The following CCNB3 variants were observed in gnomAD, a reference collection of about 807,000 sequenced individuals.
The protein encoded by CCNB3 is G2/mitotic-specific cyclin-B3.
CCNB3 carries 12 observed loss-of-function variants against 68.0 expected under a neutral mutation model. The ratio of observed to expected loss-of-function variants is 0.18; its 90% confidence interval spans 0.11 to 0.29. CCNB3 has a LOEUF of 0.29. CCNB3 is among the 10% of genes least tolerant of loss of function. CCNB3 has a pLI of 1.00. For missense variants in CCNB3, 904 were observed against 993.1 expected (o/e 0.91, Z 1.21); for synonymous variants, 354 against 388.9 (o/e 0.91, Z 1.06).
chrX:50,280,416 T>C (rs1337923448), intron 1 of CCNB3, among the ~76,000 whole-genome samples: 3 of 108,409 alleles, frequency 2.8e-5, no homozygotes, highest in Non-Finnish European at 5.7e-5. Flanking sequence ...GAATGAGATA[T>C]TGAGCTATTA....
At chrX:50,217,122 C>T (rs1935583726) in intron 1 of CCNB3, among the ~76,000 whole-genome samples, 1 of 110,248 alleles carries the variant, frequency 9.1e-6, no homozygotes, top group Admixed American at 9.8e-5. Context: ...TTCTATTGTT[C>T]TTTCTTCCTG....
At chrX:50,226,946 AAT>A (rs1174364315) in intron 1 of CCNB3, among the ~76,000 whole-genome samples, 1 of 73,641 alleles carries the variant, frequency 1.4e-5, no homozygotes, top group Non-Finnish European at 2.3e-5. Context: ...ATATATATAG[AAT>A]ATATATAGTA....
At chrX:50,342,140 G>T in intron 8 of CCNB3, 62 bp from the exon 9 acceptor site, 1 of 1,186,315 alleles carries the variant, frequency 8.4e-7, no homozygotes, top group Admixed American at 2.2e-5. Flanking sequence ...AGCTAGATCT[G>T]TCTGGAGGCG....
chrX:50,226,016 A>G (rs1465037389), intron 1 of CCNB3, among the ~76,000 whole-genome samples: 3 of 94,283 alleles, frequency 3.2e-5, no homozygotes, highest in East Asian at 6.2e-4. Flanking sequence ...TATAGAATAT[A>G]TACAAAAATA....
upstream of CCNB3, among the ~76,000 whole-genome samples, chrX:50,203,507 T>A (rs1935298538): frequency 8.9e-6 from 1 of 112,179 alleles, no homozygotes; most frequent in African/African-American, 3.2e-5. Context: ...CACTTCTTTT[T>A]CTCCTGATTT....
chrX:50,206,122 G>C (rs369555915), intron 1 of CCNB3, among the ~76,000 whole-genome samples: 301 of 109,624 alleles, frequency 2.7e-3, no homozygotes, highest in African/African-American at 9.3e-3. Context: ...GGTGGCATGC[G>C]TCTATAGCTA....
At chrX:50,204,665 A>G (rs1264488056), upstream of CCNB3, 7 of 108,010 alleles carry the variant, frequency 6.5e-5, no homozygotes, top group African/African-American at 2.4e-4. Flanking sequence ...GACTAAAAAA[A>G]AAAAAAAAAA....
At chrX:50,214,509 T>TATATATATATATATATATATATATA (rs1935535542) in intron 1 of CCNB3, among the ~76,000 whole-genome samples, 1 of 68,153 alleles carries the variant, frequency 1.5e-5, no homozygotes, top group Non-Finnish European at 3.0e-5. Flanking sequence ...TATATATATA[T>TATATATATATATATATATATATATA]TTTAGCTGTG....
chrX:50,344,336 T>G (rs1275003730), intron 9 of CCNB3, among the ~76,000 whole-genome samples: 1 of 112,733 alleles, frequency 8.9e-6, no homozygotes, highest in African/African-American at 3.2e-5. Context: ...ATACATACAT[T>G]TATTTGTACA....
At chrX:50,313,415 T>G (rs1921568869) in intron 7 of CCNB3, among the ~76,000 whole-genome samples, 1 of 112,032 alleles carries the variant, frequency 8.9e-6, no homozygotes, top group Admixed American at 9.5e-5. Flanking sequence ...TCAGTTTCAC[T>G]TGAGATTTTG....
chrX:50,337,384 A>G (rs1182856888), intron 8 of CCNB3, among the ~76,000 whole-genome samples: 1 of 109,621 alleles, frequency 9.1e-6, no homozygotes, highest in Non-Finnish European at 1.9e-5. Context: ...GCCTTCCTTA[A>G]CTAACTGTCC....
chrX:50,292,571 G>A (rs1557210251), intron 4 of CCNB3, among the ~76,000 whole-genome samples: 1 of 110,743 alleles, frequency 9.0e-6, no homozygotes, highest in Non-Finnish European at 1.9e-5. Flanking sequence ...CCTGGTTTTT[G>A]TACTGTATCA....
intron 1 of CCNB3, among the ~76,000 whole-genome samples, chrX:50,219,342 G>T (rs2146985016): frequency 9.0e-6 from 1 of 111,141 alleles, no homozygotes; most frequent in East Asian, 2.8e-4. Flanking sequence ...TGAAGTCTTT[G>T]CCCATGCCTA....
intron 4 of CCNB3, among the ~76,000 whole-genome samples, chrX:50,289,282 G>T (rs1936304483): frequency 9.0e-6 from 1 of 111,233 alleles, no homozygotes; most frequent in African/African-American, 3.3e-5. Context: ...TTTTTCTGTT[G>T]TGTAGGACTG....
rs1389133058 is a variant in CCNB3, at chrX:50,347,494, G to C, written c.3811-132G>C. The C allele has an allele frequency of 2.2e-5, 12 of 551,141 alleles. No individual in the cohort carries two copies. In the Admixed American group the frequency reaches 4.1e-4, roughly 19 times the overall value. 45.4% of individuals were successfully genotyped at this position (551,141 alleles called of 1,213,427 possible). A position where few individuals can be genotyped will look rare whatever the true frequency, so the allele number is the denominator to read the frequency against. ...GGTAGGGAAGATGAAGTGAGTTACG[G>C]TTGCAGGAGAAAGGCACATTACTCA... On this transcript the variant is annotated intron_variant, in intron 10 of 12. Coordinates refer to ENST00000376042, the MANE Select transcript of CCNB3 (RefSeq NM_033031.3).
At chrX:50,297,800 A>T (rs1163473171) in intron 5 of CCNB3, among the ~76,000 whole-genome samples, 12 of 110,977 alleles carry the variant, frequency 1.1e-4, no homozygotes, top group Non-Finnish European at 1.9e-5. Flanking sequence ...ATCCTCTTTT[A>T]TTTCATTGAG....
chrX:50,331,106 A>G (rs1373354690), intron 8 of CCNB3, among the ~76,000 whole-genome samples: 1 of 111,602 alleles, frequency 9.0e-6, no homozygotes, highest in Non-Finnish European at 1.9e-5. Flanking sequence ...TCATCTTTCT[A>G]ATTTCCTATA....
intron 1 of CCNB3, among the ~76,000 whole-genome samples, chrX:50,212,054 A>T (rs1353479108): frequency 1.8e-5 from 2 of 111,840 alleles, no homozygotes; most frequent in African/African-American, 6.5e-5. Flanking sequence ...AGTGAACTCA[A>T]TCATATGTGT....
chrX:50,346,853 T>C (rs782565926), intron 10 of CCNB3, 46 bp downstream of exon 10: 2 of 1,157,965 alleles, frequency 1.7e-6, no homozygotes, highest in Non-Finnish European at 2.3e-6. Context: ...GCTGAGTTAG[T>C]CTCCTTTATA....
Sources: allele counts gnomAD v4.1 joint callset (sites outside exome capture counted in the v4.1 genomes callset), GRCh38; gene constraint gnomAD v4.1.1; transcripts MANE v1.5; gene names NCBI Gene and HGNC (gene_info 2026-07-23, HGNC 2026-07-21).